DACH1: variants seen among roughly 807,000 people sequenced by gnomAD.
DACH1 encodes the protein dachshund homolog 1.
DACH1 carries 12 observed loss-of-function variants against 54.2 expected under a neutral mutation model. The ratio of observed to expected loss-of-function variants is 0.22; its 90% confidence interval spans 0.14 to 0.36. The LOEUF (loss-of-function observed/expected upper bound fraction) is 0.36. Among genes scored for constraint, DACH1 ranks in the 10% least tolerant of loss-of-function variants. The pLI is 1.00. For synonymous variants in DACH1, 386 were observed against 366.2 expected (o/e 1.05, Z -0.62); for missense variants, 805 against 929.8 (o/e 0.87, Z 1.75).
At chr13:71,543,230 A>G (rs961147304) in intron 6 of DACH1, among the ~76,000 whole-genome samples, 2 of 152,112 alleles carry the variant, frequency 1.3e-5, no homozygotes, top group East Asian at 3.9e-4. Context: ...CAAAAGGAAA[A>G]TGTAATTGCA....
At chr13:71,496,306 T>TATATATATATATATATAC (rs1217159359) in intron 6 of DACH1, among the ~76,000 whole-genome samples, 2 of 46,110 alleles carry the variant, frequency 4.3e-5, no homozygotes, top group African/African-American at 6.9e-5. Context: ...TATATATATA[T>TATATATATATATATATAC]ACACACACAA....
chr13:71,648,500 T>C (rs2138616406), intron 2 of DACH1, among the ~76,000 whole-genome samples: 1 of 152,296 alleles, frequency 6.6e-6, no homozygotes, highest in Non-Finnish European at 1.5e-5. Flanking sequence ...TTTTCTCCTC[T>C]TAATGTCCAT....
At chr13:71,684,040 T>C (rs2138707047) in intron 1 of DACH1, among the ~76,000 whole-genome samples, 1 of 152,166 alleles carries the variant, frequency 6.6e-6, no homozygotes, top group South Asian at 2.1e-4. Context: ...CTTGTGTCTT[T>C]TCCTTCTTTT....
intron 7 of DACH1, among the ~76,000 whole-genome samples, chr13:71,486,390 T>C (rs1171231777): frequency 6.6e-6 from 1 of 152,134 alleles, no homozygotes; most frequent in Non-Finnish European, 1.5e-5. Context: ...TAATTACCCA[T>C]ATTAGAATTT....
chr13:71,605,298 A>G (rs969582614), intron 3 of DACH1, among the ~76,000 whole-genome samples: 3 of 151,848 alleles, frequency 2.0e-5, no homozygotes, highest in Non-Finnish European at 4.4e-5. Context: ...TCGGGAATAT[A>G]TTCTTAGCTT....
chr13:71,851,456 T>C (rs1873659967), intron 1 of DACH1, among the ~76,000 whole-genome samples: 1 of 152,198 alleles, frequency 6.6e-6, no homozygotes, highest in African/African-American at 2.4e-5. Flanking sequence ...TTGCCTATAT[T>C]ATTAATGGCT....
intron 2 of DACH1, among the ~76,000 whole-genome samples, chr13:71,662,977 A>G (rs1415505011): frequency 6.6e-6 from 1 of 151,970 alleles, no homozygotes; most frequent in African/African-American, 2.4e-5. Flanking sequence ...TATTTGTTGA[A>G]TATTTATGAA....
At position 71,648,462 on chromosome 13, in the gene DACH1, A is replaced by G. The variant is rs78779835; in HGVS notation, c.965-17745T>C. 5.0e-3 allele frequency among the ~76,000 whole-genome samples: 758 copies of G among 152,294 alleles called. 6 individuals are homozygous for G. The highest frequency in any genetic ancestry group is 0.016 in the African/African-American group (657 of 41,578). On this transcript the variant is annotated intron_variant, in intron 2 of 10. Transcript: ENST00000613252. Reference sequence around the variant, plus strand: ...GGGAGACAACAATAGCTTTAAGAGTACATGTGTTTATGGCCAAGTTAGTGC... The same window carrying G: ...GGGAGACAACAATAGCTTTAAGAGTGCATGTGTTTATGGCCAAGTTAGTGC...
intron 6 of DACH1, among the ~76,000 whole-genome samples, chr13:71,499,497 T>C (rs938553595): frequency 1.3e-5 from 2 of 152,172 alleles, no homozygotes; most frequent in African/African-American, 4.8e-5. Flanking sequence ...AGGCTTTATA[T>C]AGAAACTGTT....
At chr13:71,840,725 T>C (rs144939694) in intron 1 of DACH1, among the ~76,000 whole-genome samples, 2 of 152,236 alleles carry the variant, frequency 1.3e-5, no homozygotes, top group African/African-American at 2.4e-5. Flanking sequence ...AAAATAAAAA[T>C]AGAGCAAGGC....
intron 1 of DACH1, among the ~76,000 whole-genome samples, chr13:71,860,156 C>A (rs1296249253): frequency 6.6e-6 from 1 of 151,286 alleles, no homozygotes; most frequent in Non-Finnish European, 1.5e-5. Flanking sequence ...AATATTCAAA[C>A]TACATATACT....
At chr13:71,498,568 G>T (rs927139258) in intron 6 of DACH1, among the ~76,000 whole-genome samples, 1 of 151,762 alleles carries the variant, frequency 6.6e-6, no homozygotes, top group African/African-American at 2.4e-5. Context: ...AAGGTTATAT[G>T]CCAAAAGAGT....
intron 2 of DACH1, among the ~76,000 whole-genome samples, chr13:71,650,029 C>G (rs1878562945): frequency 6.6e-6 from 1 of 152,190 alleles, no homozygotes; most frequent in South Asian, 2.1e-4. Flanking sequence ...TTATTAAAAG[C>G]TACCCCATGA....
chr13:71,821,105 T>G (rs1462903584), intron 1 of DACH1, among the ~76,000 whole-genome samples: 1 of 152,224 alleles, frequency 6.6e-6, no homozygotes, highest in Non-Finnish European at 1.5e-5. Flanking sequence ...TATAGACTCC[T>G]GATTGAAGTA....
At chr13:71,730,460 T>G (rs1214651878) in intron 1 of DACH1, among the ~76,000 whole-genome samples, 1 of 152,200 alleles carries the variant, frequency 6.6e-6, no homozygotes, top group Non-Finnish European at 1.5e-5. Flanking sequence ...TCATTCTGAA[T>G]GTATTTGAAA....
At chr13:71,508,751 A>C (rs1047341046) in intron 6 of DACH1, among the ~76,000 whole-genome samples, 1 of 152,104 alleles carries the variant, frequency 6.6e-6, no homozygotes, top group Non-Finnish European at 1.5e-5. Flanking sequence ...TACAGGCAGG[A>C]GCCACTGCAC....
chr13:71,709,100 G>C (rs1219842052), intron 1 of DACH1, among the ~76,000 whole-genome samples: 2 of 151,860 alleles, frequency 1.3e-5, no homozygotes, highest in Non-Finnish European at 2.9e-5. Flanking sequence ...TGATCCTCCT[G>C]CCTCGGCCTC....
chr13:71,679,970 GAAGTT>G (rs1364439048), intron 2 of DACH1, among the ~76,000 whole-genome samples: 2 of 147,754 alleles, frequency 1.4e-5, no homozygotes, highest in Non-Finnish European at 3.0e-5. Flanking sequence ...ACGGAAAAGA[GAAGTT>G]AAGATTTTCA....
chr13:71,538,585 A>G (rs899461013), intron 6 of DACH1, among the ~76,000 whole-genome samples: 12 of 152,098 alleles, frequency 7.9e-5, no homozygotes, highest in African/African-American at 2.9e-4. Flanking sequence ...GGATCTTCAC[A>G]TTTTAATAAA....
Sources: allele counts gnomAD v4.1 joint callset (sites outside exome capture counted in the v4.1 genomes callset), GRCh38; gene constraint gnomAD v4.1.1; transcripts MANE v1.5; gene names NCBI Gene and HGNC (gene_info 2026-07-23, HGNC 2026-07-21).